HMGCLL1: variants seen among roughly 807,000 people sequenced by gnomAD.
HMGCLL1 encodes the protein 3-hydroxymethyl-3-methylglutaryl-CoA lyase, cytoplasmic.
In HMGCLL1, 36 loss-of-function variants were observed where a neutral mutation model predicts 39.1. That is an observed-to-expected ratio of 0.92 (90% CI 0.71 to 1.22). The LOEUF is 1.22. Ranked by LOEUF, HMGCLL1 falls within the 50% of genes most tolerant of loss-of-function variation. The pLI, the probability that HMGCLL1 is intolerant of heterozygous loss-of-function variation, is 0.00. For missense variants in HMGCLL1, 451 were observed against 416.5 expected (o/e 1.08, Z -0.72); for synonymous variants, 149 against 144.0 (o/e 1.03, Z -0.25).
the HMGCLL1 span, among the ~76,000 whole-genome samples, chr6:55,624,050 C>A: frequency 6.6e-6 from 1 of 152,248 alleles, no homozygotes. Context: ...AGCCAGTGTC[C>A]AGTAGTCTCC....
At chr6:55,641,609 G>A in the HMGCLL1 span, among the ~76,000 whole-genome samples, 2 of 151,782 alleles carry the variant, frequency 1.3e-5, no homozygotes, top group African/African-American at 2.4e-5. Flanking sequence ...GAAAACAGTA[G>A]GGAAAACACA....
chr6:55,569,982 A>G (rs1771396656), intron 1 of HMGCLL1, among the ~76,000 whole-genome samples: 1 of 152,106 alleles, frequency 6.6e-6, no homozygotes, highest in South Asian at 2.1e-4. Flanking sequence ...TAGATTCTTC[A>G]TGCTACAGAG....
chr6:55,528,430 C>G (rs925521598), intron 3 of HMGCLL1, among the ~76,000 whole-genome samples: 1 of 152,006 alleles, frequency 6.6e-6, no homozygotes, highest in Non-Finnish European at 1.5e-5. Flanking sequence ...CCTGACAACC[C>G]TGGGTGAAAA....
intron 7 of HMGCLL1, among the ~76,000 whole-genome samples, chr6:55,445,262 A>G (rs1424931692): frequency 6.6e-6 from 1 of 151,952 alleles, no homozygotes; most frequent in Non-Finnish European, 1.5e-5. Flanking sequence ...CTTATACTAA[A>G]TTATATGCTC....
intron 1 of HMGCLL1, chr6:55,577,166 G>A: frequency 6.3e-7 from 1 of 1,580,114 alleles, no homozygotes; most frequent in South Asian, 1.2e-5. Flanking sequence ...TAGAAGAGAA[G>A]TCTAGGAAGA....
chr6:55,461,111 G>C (rs1245143377), intron 7 of HMGCLL1, among the ~76,000 whole-genome samples: 1 of 151,856 alleles, frequency 6.6e-6, no homozygotes, highest in Non-Finnish European at 1.5e-5. Flanking sequence ...GTATCAAATA[G>C]CATCTATTTT....
the HMGCLL1 span, among the ~76,000 whole-genome samples, chr6:55,667,869 C>G: frequency 3.3e-5 from 5 of 151,360 alleles, no homozygotes; most frequent in Admixed American, 1.3e-4. Flanking sequence ...ACCGGCATTT[C>G]TTATACAATA....
intron 5 of HMGCLL1, among the ~76,000 whole-genome samples, chr6:55,504,926 G>A (rs1334584584): frequency 1.3e-5 from 2 of 151,580 alleles, no homozygotes; most frequent in Non-Finnish European, 1.5e-5. Context: ...TGAGAGATCA[G>A]AACTTGAAAT....
chr6:55,561,693 A>G (rs974667546), intron 1 of HMGCLL1, among the ~76,000 whole-genome samples: 4 of 152,164 alleles, frequency 2.6e-5, no homozygotes, highest in African/African-American at 9.7e-5. Context: ...AATTGATTTG[A>G]ACAACTCTTC....
chr6:55,668,676 C>T, the HMGCLL1 span, among the ~76,000 whole-genome samples: 2 of 151,772 alleles, frequency 1.3e-5, no homozygotes, highest in Non-Finnish European at 2.9e-5. Context: ...AGCCAAAAAC[C>T]CGGAAGTGAA....
At chr6:55,551,497 C>T (rs1447876887) in intron 1 of HMGCLL1, among the ~76,000 whole-genome samples, 3 of 151,834 alleles carry the variant, frequency 2.0e-5, no homozygotes, top group Admixed American at 6.6e-5. Context: ...TCTCCCTCCT[C>T]TCCTTCAGCT....
At chr6:55,588,879 A>G in the HMGCLL1 span, among the ~76,000 whole-genome samples, 2 of 152,176 alleles carry the variant, frequency 1.3e-5, no homozygotes, top group Admixed American at 1.3e-4. Flanking sequence ...CTCTGAATAG[A>G]CCAATAACAG....
the HMGCLL1 span, among the ~76,000 whole-genome samples, chr6:55,656,142 A>G: frequency 6.6e-6 from 1 of 151,914 alleles, no homozygotes; most frequent in Non-Finnish European, 1.5e-5. Flanking sequence ...CAACTTTAAT[A>G]TATTCAAAAA....
the HMGCLL1 span, among the ~76,000 whole-genome samples, chr6:55,592,379 G>T: frequency 6.6e-6 from 1 of 152,058 alleles, no homozygotes; most frequent in Non-Finnish European, 1.5e-5. Flanking sequence ...AAGTTTAGAA[G>T]ATATGGATTT....
At chr6:55,624,390 A>G in the HMGCLL1 span, among the ~76,000 whole-genome samples, 1 of 152,168 alleles carries the variant, frequency 6.6e-6, no homozygotes, top group African/African-American at 2.4e-5. Context: ...GCATGCAGCC[A>G]TTGACTTGAC....
the HMGCLL1 span, among the ~76,000 whole-genome samples, chr6:55,645,841 T>C: frequency 2.0e-5 from 3 of 151,918 alleles, no homozygotes; most frequent in East Asian, 5.8e-4. Flanking sequence ...TAGAGAGATA[T>C]TGGTTTGTAG....
chr6:55,665,451 G>T, the HMGCLL1 span, among the ~76,000 whole-genome samples: 1 of 151,652 alleles, frequency 6.6e-6, no homozygotes, highest in Non-Finnish European at 1.5e-5. Context: ...TAATTAGGCT[G>T]TTCTTTTATG....
intron 6 of HMGCLL1, among the ~76,000 whole-genome samples, chr6:55,497,333 G>T (rs2127425019): frequency 6.6e-6 from 1 of 151,230 alleles, no homozygotes; most frequent in African/African-American, 2.4e-5. Context: ...AAAAAAAAAA[G>T]ATAAAAACAA....
intron 7 of HMGCLL1, among the ~76,000 whole-genome samples, chr6:55,458,367 A>T (rs1029273297): frequency 2.0e-5 from 3 of 152,190 alleles, no homozygotes; most frequent in Admixed American, 1.3e-4. Flanking sequence ...GATAATAGTG[A>T]TACAGGAAAG....
Sources: allele counts gnomAD v4.1 joint callset (sites outside exome capture counted in the v4.1 genomes callset), GRCh38; gene constraint gnomAD v4.1.1; transcripts MANE v1.5; gene names NCBI Gene and HGNC (gene_info 2026-07-23, HGNC 2026-07-21).